Variants in BTRC observed in about 807,000 individuals in gnomAD.
BTRC encodes the protein beta-transducin repeat containing E3 ubiquitin protein ligase.
A neutral mutation model predicts 85.5 loss-of-function variants in BTRC; 42 were observed. That is an observed-to-expected ratio of 0.49 (90% CI 0.38 to 0.64). The LOEUF is 0.64. Among genes scored for constraint, BTRC ranks in the 30% least tolerant of loss-of-function variants. BTRC has a pLI of 0.00. For missense variants in BTRC, 594 were observed against 743.5 expected, an observed-to-expected ratio of 0.80 and a Z score of 2.34; for synonymous variants, 255 against 263.3, an observed-to-expected ratio of 0.97 and a Z score of 0.30.
chr10:101,463,606 C>T (rs1034562636), intron 3 of BTRC, among the ~76,000 whole-genome samples: 3 of 152,012 alleles, frequency 2.0e-5, no homozygotes, highest in Non-Finnish European at 4.4e-5. Flanking sequence ...GAGCACCCAC[C>T]GTGAACATGA....
At chr10:101,501,974 T>C (rs1480500552) in intron 4 of BTRC, among the ~76,000 whole-genome samples, 1 of 152,192 alleles carries the variant, frequency 6.6e-6, no homozygotes, top group Non-Finnish European at 1.5e-5. Flanking sequence ...TTCTATGTCT[T>C]TTCTCAGAAA....
intron 1 of BTRC, among the ~76,000 whole-genome samples, chr10:101,389,971 C>T (rs1175415716): frequency 2.0e-5 from 3 of 152,168 alleles, no homozygotes; most frequent in Non-Finnish European, 1.5e-5. Flanking sequence ...TTTTCTCCAA[C>T]TCTGACTTTT....
chr10:101,365,466 TTTTTTA>T (rs1242022588), intron 1 of BTRC, among the ~76,000 whole-genome samples: 6 of 151,722 alleles, frequency 4.0e-5, no homozygotes, highest in Non-Finnish European at 7.4e-5. Context: ...TTTTTAAAAA[TTTTTTA>T]TTTTTATTTT....
intron 3 of BTRC, among the ~76,000 whole-genome samples, chr10:101,470,215 G>T (rs1177820597): frequency 1.3e-5 from 2 of 151,518 alleles, no homozygotes; most frequent in African/African-American, 4.9e-5. Flanking sequence ...CCATTCATTT[G>T]TCAGATATAT....
intron 6 of BTRC, among the ~76,000 whole-genome samples, chr10:101,529,684 C>A (rs979651336): frequency 6.6e-6 from 1 of 152,146 alleles, no homozygotes; most frequent in African/African-American, 2.4e-5. Context: ...TTCAGATTTT[C>A]TTTTCTGTAT....
At chr10:101,547,234 C>T (rs980204471) in intron 13 of BTRC, among the ~76,000 whole-genome samples, 4 of 150,634 alleles carry the variant, frequency 2.7e-5, no homozygotes, top group South Asian at 2.1e-4. Flanking sequence ...ACCCGGGAGG[C>T]GGAGGTTGCA....
At chr10:101,480,113 A>G (rs1945796014) in intron 4 of BTRC, among the ~76,000 whole-genome samples, 2 of 152,254 alleles carry the variant, frequency 1.3e-5, no homozygotes, top group African/African-American at 2.4e-5. Flanking sequence ...CATTTTAGGA[A>G]TAAGTACTAT....
intron 1 of BTRC, among the ~76,000 whole-genome samples, chr10:101,380,859 A>C (rs1003868617): frequency 6.6e-6 from 1 of 152,230 alleles, no homozygotes; most frequent in African/African-American, 2.4e-5. Flanking sequence ...CAGAGTGTAC[A>C]TAGACAAATC....
At chr10:101,386,425 C>T (rs1180980076) in intron 1 of BTRC, among the ~76,000 whole-genome samples, 2 of 152,110 alleles carry the variant, frequency 1.3e-5, no homozygotes, top group Non-Finnish European at 2.9e-5. Flanking sequence ...TTTTCTTCAT[C>T]CTCTTAAGGT....
chr10:101,530,862 A>G (rs1341954822), intron 6 of BTRC, among the ~76,000 whole-genome samples: 2 of 152,336 alleles, frequency 1.3e-5, no homozygotes, highest in African/African-American at 4.8e-5. Context: ...CTTTCAAAAT[A>G]TATGAAGTTC....
At chr10:101,357,532 C>T (rs1343828551) in intron 1 of BTRC, among the ~76,000 whole-genome samples, 2 of 150,456 alleles carry the variant, frequency 1.3e-5, no homozygotes, top group East Asian at 1.9e-4. Flanking sequence ...TTTAATCAAA[C>T]GGGCATTTTT....
intron 13 of BTRC, among the ~76,000 whole-genome samples, chr10:101,538,923 T>C (rs963542641): frequency 2.0e-5 from 3 of 151,930 alleles, no homozygotes; most frequent in Non-Finnish European, 4.4e-5. Flanking sequence ...TGGTGGCAGG[T>C]GCCTGTAATC....
At chr10:101,386,193 A>G (rs1197610353) in intron 1 of BTRC, among the ~76,000 whole-genome samples, 1 of 152,150 alleles carries the variant, frequency 6.6e-6, no homozygotes, top group Non-Finnish European at 1.5e-5. Flanking sequence ...TATTCTACTG[A>G]TATTTCCAGG....
intron 4 of BTRC, among the ~76,000 whole-genome samples, chr10:101,493,242 T>G (rs1466821582): frequency 6.6e-6 from 1 of 152,194 alleles, no homozygotes; most frequent in Non-Finnish European, 1.5e-5. Context: ...AAGTGAAAAA[T>G]TTTTAAAAAG....
chr10:101,467,208 A>AC (rs1023789603), intron 3 of BTRC, among the ~76,000 whole-genome samples: 3 of 151,854 alleles, frequency 2.0e-5, no homozygotes, highest in Non-Finnish European at 4.4e-5. Context: ...AAAAAAAAAA[A>AC]ACACAGAATT....
intron 4 of BTRC, among the ~76,000 whole-genome samples, chr10:101,520,822 G>A (rs1276042100): frequency 6.6e-6 from 1 of 152,138 alleles, no homozygotes; most frequent in Non-Finnish European, 1.5e-5. Context: ...GCCAGGCGTG[G>A]TGGTGGGCAC....
At chr10:101,548,665 T>A (rs1030326111) in intron 13 of BTRC, among the ~76,000 whole-genome samples, 9 of 152,046 alleles carry the variant, frequency 5.9e-5, no homozygotes, top group African/African-American at 2.2e-4. Flanking sequence ...GGCAGGAGAA[T>A]CGCTTGAACC....
intron 1 of BTRC, among the ~76,000 whole-genome samples, chr10:101,382,262 C>A (rs1232805146): frequency 6.6e-6 from 1 of 151,716 alleles, no homozygotes; most frequent in African/African-American, 2.4e-5. Flanking sequence ...GGATTACAGG[C>A]ATGAGCCACC....
intron 4 of BTRC, among the ~76,000 whole-genome samples, chr10:101,505,481 G>C (rs1268376081): frequency 2.0e-5 from 3 of 151,668 alleles, no homozygotes; most frequent in East Asian, 2.0e-4. Context: ...TTAGCCGGGC[G>C]TGGTGGCAGG....
Sources: gnomAD v4.1 joint callset for allele counts (sites outside exome capture counted in the v4.1 genomes callset) on GRCh38, gnomAD v4.1.1 for gene constraint, MANE v1.5 for transcripts, NCBI Gene and HGNC (gene_info 2026-07-23, HGNC 2026-07-21) for gene names.